The following LIPH variants were observed in gnomAD, a reference collection of about 807,000 sequenced individuals.
LIPH encodes lipase H.
A neutral mutation model predicts 47.6 loss-of-function variants in LIPH; 32 were observed. The observed-to-expected ratio is 0.67, with a 90% CI of 0.51 to 0.90. The LOEUF (loss-of-function observed/expected upper bound fraction) is 0.90. Among genes scored for constraint, LIPH ranks in the 40% least tolerant of loss-of-function variants. The pLI, the probability that LIPH is intolerant of heterozygous loss-of-function variation, is 0.00. For synonymous variants in LIPH, 190 were observed against 195.6 expected (o/e 0.97, Z 0.24); for missense variants, 497 against 541.4 (o/e 0.92, Z 0.81).
chr3:185,514,277 T>C, intron 8 of LIPH, 133 bp downstream of exon 8: 1 of 670,392 alleles, frequency 1.5e-6, no homozygotes, highest in Admixed American at 2.1e-5. Context: ...AACTAAGCAA[T>C]AGTTCCCCTT....
chr3:185,531,443 G>C (rs1302596154), intron 3 of LIPH, among the ~76,000 whole-genome samples: 1 of 151,762 alleles, frequency 6.6e-6, no homozygotes, highest in Admixed American at 6.6e-5. Context: ...CTGCTTGAGA[G>C]GCTGAGATGG....
chr3:185,538,730 T>C (rs1720581693), intron 1 of LIPH, among the ~76,000 whole-genome samples: 1 of 84,266 alleles, frequency 1.2e-5, no homozygotes, highest in African/African-American at 3.9e-5. Flanking sequence ...TATATGTACA[T>C]ATATATACAT....
Position 185,508,785 on chromosome 3 carries a change from A to C in LIPH, c.*5T>G. On this transcript the variant is annotated 3_prime_UTR_variant, in exon 10 of 10. Transcript: ENST00000296252. Reference sequence around the variant, plus strand: ...ATTATTTATGGCCATGTGTCCTGGCAACAGTTACAACTGCAACTCTGGGCA... The same window carrying C: ...ATTATTTATGGCCATGTGTCCTGGCCACAGTTACAACTGCAACTCTGGGCA... The C allele has an allele frequency of 6.2e-7, 1 of 1,601,844 alleles. No individual in the cohort carries two copies. The highest frequency in any genetic ancestry group is 8.6e-7 in the Non-Finnish European group (1 of 1,168,838).
At chr3:185,526,903 C>T (rs1720121726) in intron 4 of LIPH, among the ~76,000 whole-genome samples, 1 of 152,012 alleles carries the variant, frequency 6.6e-6, no homozygotes, top group African/African-American at 2.4e-5. Context: ...CACTTATCTT[C>T]ATGTTGAAAA....
chr3:185,517,737 G>A (rs1023066412), intron 6 of LIPH, among the ~76,000 whole-genome samples: 3 of 152,060 alleles, frequency 2.0e-5, no homozygotes, highest in African/African-American at 7.2e-5. Flanking sequence ...GTGGGACCCA[G>A]GCATCAGTAT....
intron 3 of LIPH, among the ~76,000 whole-genome samples, chr3:185,531,121 C>T (rs1259976725): frequency 1.3e-5 from 2 of 152,284 alleles, no homozygotes; most frequent in East Asian, 3.9e-4. Context: ...CTGCATACTA[C>T]GTGTGAGCGG....
chr3:185,533,673 C>T lies in LIPH; in HGVS notation c.424G>A (p.Gly142Arg), dbSNP rs1720411790. ...ATGTAAATGTCATCAAGAGAAGCTC[C>T]TTCTGCCTGGAATTTCAAGAGGTCC... ...KEFIDQMLAEGASLDDIYMIG... is the reference protein window; with the variant it reads ...KEFIDQMLAERASLDDIYMIG... Residue 142 changes from glycine (G) to arginine (R), a missense_variant, in exon 3 of 10, where the codon GGA becomes AGA. Physicochemically the swap from Gly to Arg is moderately radical, Grantham distance 125 (BLOSUM62 -2). Coordinates refer to ENST00000296252, the MANE Select transcript of LIPH (RefSeq NM_139248.3). 5 of 1,608,654 alleles carry T rather than the reference C, an allele frequency of 3.1e-6. No homozygotes were observed. The South Asian group carries it at 4.4e-5, about 14-fold the overall frequency.
intron 1 of LIPH, among the ~76,000 whole-genome samples, chr3:185,539,462 C>A (rs1236985744): frequency 6.6e-6 from 1 of 151,906 alleles, no homozygotes; most frequent in East Asian, 1.9e-4. Flanking sequence ...ATCGGCCCCC[C>A]CGGGTTCAAG....
chr3:185,538,748 CAT>C (rs1460921840), intron 1 of LIPH, among the ~76,000 whole-genome samples: 78 of 140,806 alleles, frequency 5.5e-4, no homozygotes, highest in African/African-American at 2.0e-3. Context: ...CATATATGTA[CAT>C]ATATATACAT....
intron 9 of LIPH, among the ~76,000 whole-genome samples, chr3:185,509,367 G>C (rs1719650): frequency 5.8e-4 from 88 of 151,466 alleles, no homozygotes; most frequent in African/African-American, 1.9e-3. Context: ...GGTGGTTCAC[G>C]CTTGTAATCC....
intron 1 of LIPH, among the ~76,000 whole-genome samples, chr3:185,536,606 A>G (rs1577683409): frequency 6.6e-6 from 1 of 152,286 alleles, no homozygotes; most frequent in South Asian, 2.1e-4. Flanking sequence ...ACTTTTCAAA[A>G]AGGCTCTGGT....
At chr3:185,529,070 G>A (rs1278779022) in intron 3 of LIPH, among the ~76,000 whole-genome samples, 1 of 149,680 alleles carries the variant, frequency 6.7e-6, no homozygotes, top group Non-Finnish European at 1.5e-5. Flanking sequence ...CCAGCTACTC[G>A]GGAGGCTAAG....
At chr3:185,545,479 T>G (rs1312296370) in intron 1 of LIPH, among the ~76,000 whole-genome samples, 1 of 152,248 alleles carries the variant, frequency 6.6e-6, no homozygotes, top group Non-Finnish European at 1.5e-5. Flanking sequence ...CACGGCTACT[T>G]TCCTGCTCTA....
intron 3 of LIPH, among the ~76,000 whole-genome samples, chr3:185,529,958 GA>G (rs1560165246): frequency 1.8e-5 from 1 of 56,724 alleles, no homozygotes; most frequent in African/African-American, 4.8e-5. Flanking sequence ...AAGAAAGAAA[GA>G]AAGAAGGAAA....
At chr3:185,549,116 C>A (rs541281216) in intron 1 of LIPH, among the ~76,000 whole-genome samples, 4 of 148,230 alleles carry the variant, frequency 2.7e-5, no homozygotes, top group South Asian at 4.3e-4. Context: ...GGCAACAGAG[C>A]GAGACTCCAT....
intron 5 of LIPH, among the ~76,000 whole-genome samples, chr3:185,522,670 G>GA (rs547308086): frequency 1.2e-4 from 4 of 33,040 alleles, no homozygotes; most frequent in Non-Finnish European, 1.7e-4. Flanking sequence ...AAGAAAGAAA[G>GA]AAAGAAAGAA....
rs1006596877 is a variant in LIPH at position 185,508,374 on chromosome 3, G to A, written c.*416C>T. The A allele has an allele frequency of 9.2e-5, 20 of 217,200 alleles. No individual in the cohort carries two copies. The highest frequency in any genetic ancestry group is 3.8e-4 in the African/African-American group (17 of 44,252). 13.5% of individuals were successfully genotyped at this position (217,200 alleles called of 1,614,324 possible). ...GTCAGTTTCGTTCCCTTCTACGTGT[G>A]GGAACTGGAGGAATGTGGCACGGAG... is the stretch of plus-strand genomic sequence containing the variant. On this transcript the variant is annotated 3_prime_UTR_variant, in exon 10 of 10. Coordinates refer to ENST00000296252, the MANE Select transcript of LIPH (RefSeq NM_139248.3).
chr3:185,549,867 T>C (rs552215041), intron 1 of LIPH, among the ~76,000 whole-genome samples: 5 of 152,092 alleles, frequency 3.3e-5, no homozygotes, highest in African/African-American at 1.2e-4. Context: ...ACCAAAAAAA[T>C]TTTTTAAGAT....
chr3:185,549,664 G>A (rs887885332), intron 1 of LIPH, among the ~76,000 whole-genome samples: 3 of 152,204 alleles, frequency 2.0e-5, no homozygotes, highest in African/African-American at 7.2e-5. Context: ...ACAATGGTAT[G>A]TGCCTGTAAG....
Sources: gnomAD v4.1 joint callset for allele counts (sites outside exome capture counted in the v4.1 genomes callset) on GRCh38, gnomAD v4.1.1 for gene constraint, MANE v1.5 for transcripts, NCBI Gene and HGNC (gene_info 2026-07-23, HGNC 2026-07-21) for gene names.